PTH2R: variants seen among roughly 807,000 people sequenced by gnomAD.
PTH2R encodes PTH2 receptor.
In PTH2R, 59 loss-of-function variants were observed where a neutral mutation model predicts 60.3. The ratio of observed to expected loss-of-function variants is 0.98; its 90% CI spans 0.79 to 1.22. PTH2R has a LOEUF of 1.22. Ranked by LOEUF, PTH2R falls within the 50% of genes most tolerant of loss-of-function variation. PTH2R has a pLI of 0.00. For missense variants in PTH2R, 749 were observed against 682.6 expected, an observed-to-expected ratio of 1.10 and a Z score of -1.08; for synonymous variants, 256 against 243.8, an observed-to-expected ratio of 1.05 and a Z score of -0.47.
intron 8 of PTH2R, among the ~76,000 whole-genome samples, chr2:208,454,314 C>T (rs1415568175): frequency 6.6e-6 from 1 of 152,166 alleles, no homozygotes; most frequent in African/African-American, 2.4e-5. Flanking sequence ...TGTTAAAGCC[C>T]TAACCCCCAA....
At chr2:208,400,429 A>G (rs1701287033) in intron 1 of PTH2R, among the ~76,000 whole-genome samples, 1 of 152,158 alleles carries the variant, frequency 6.6e-6, no homozygotes. Flanking sequence ...CCTTCGGTGG[A>G]GTATTCTTAT....
At chr2:208,465,714 T>C (rs1362589674) in intron 9 of PTH2R, among the ~76,000 whole-genome samples, 1 of 152,212 alleles carries the variant, frequency 6.6e-6, no homozygotes, top group East Asian at 1.9e-4. Context: ...TCCTTTTTTT[T>C]TAAAAAAATA....
At chr2:208,489,323 A>G (rs1294427893) in intron 11 of PTH2R, among the ~76,000 whole-genome samples, 173 bp downstream of exon 11, 1 of 152,102 alleles carries the variant, frequency 6.6e-6, no homozygotes, top group Admixed American at 6.5e-5. Context: ...TGTCCTATAG[A>G]GGTCAGGTTA....
intron 4 of PTH2R, among the ~76,000 whole-genome samples, chr2:208,438,863 C>T (rs1702129108): frequency 6.6e-6 from 1 of 152,054 alleles, no homozygotes. Context: ...TAACTTTCTT[C>T]CTTAATGAGT....
At chr2:208,443,837 C>T (rs114848013) in intron 6 of PTH2R, among the ~76,000 whole-genome samples, 1,579 of 152,218 alleles carry the variant, frequency 0.01, 26 homozygotes, top group African/African-American at 0.037. Context: ...TGGGGCTCAC[C>T]ACTTTCGAAA....
chr2:208,423,543 G>A (rs186959064), intron 1 of PTH2R, among the ~76,000 whole-genome samples: 82 of 152,262 alleles, frequency 5.4e-4, no homozygotes, highest in African/African-American at 1.9e-3. Context: ...TGTTCTGTAT[G>A]TATTTGGAAA....
intron 5 of PTH2R, among the ~76,000 whole-genome samples, chr2:208,442,876 C>T (rs1329944601): frequency 6.6e-6 from 1 of 152,012 alleles, no homozygotes; most frequent in Non-Finnish European, 1.5e-5. Flanking sequence ...AACATGTGTC[C>T]AATTCCATTC....
chr2:208,377,513 C>T (rs1700819642), intron 1 of PTH2R, among the ~76,000 whole-genome samples: 1 of 151,044 alleles, frequency 6.6e-6, no homozygotes, highest in Non-Finnish European at 1.5e-5. Context: ...CCCCCACCTC[C>T]CTCCCAGACG....
At chr2:208,365,567 T>C (rs1029061890) in intron 1 of PTH2R, among the ~76,000 whole-genome samples, 6 of 152,098 alleles carry the variant, frequency 3.9e-5, no homozygotes, top group Admixed American at 6.6e-5. Context: ...GAGTGTGCTG[T>C]TGAATTTATT....
At chr2:208,464,756 G>A (rs543129557) in intron 9 of PTH2R, among the ~76,000 whole-genome samples, 4 of 152,162 alleles carry the variant, frequency 2.6e-5, no homozygotes, top group Admixed American at 2.6e-4. Flanking sequence ...GCTCATGCCT[G>A]TAATCCCAGT....
intron 9 of PTH2R, among the ~76,000 whole-genome samples, chr2:208,474,643 T>G (rs1285273404): frequency 6.6e-6 from 1 of 152,180 alleles, no homozygotes; most frequent in African/African-American, 2.4e-5. Flanking sequence ...ACTGTGGAGT[T>G]TGATGGGAGT....
At chr2:208,481,656 C>T (rs1257077439) in intron 10 of PTH2R, among the ~76,000 whole-genome samples, 2 of 152,116 alleles carry the variant, frequency 1.3e-5, no homozygotes, top group Non-Finnish European at 2.9e-5. Flanking sequence ...AAAGCTACCC[C>T]TTGTGCTTAA....
intron 2 of PTH2R, among the ~76,000 whole-genome samples, chr2:208,429,754 C>T (rs1701933236): frequency 6.6e-6 from 1 of 152,124 alleles, no homozygotes; most frequent in Non-Finnish European, 1.5e-5. Flanking sequence ...ACTCTGTACC[C>T]ATTAAATAAC....
At chr2:208,386,504 G>A (rs1201113620) in intron 1 of PTH2R, among the ~76,000 whole-genome samples, 1 of 152,138 alleles carries the variant, frequency 6.6e-6, no homozygotes, top group African/African-American at 2.4e-5. Context: ...GTATGTGTTT[G>A]TGTGTGTGCG....
intron 1 of PTH2R, among the ~76,000 whole-genome samples, chr2:208,409,680 A>C (rs1273751175): frequency 1.3e-5 from 2 of 152,170 alleles, no homozygotes; most frequent in Non-Finnish European, 2.9e-5. Flanking sequence ...ACCAGTGCTC[A>C]TCAATTGTTT....
In PTH2R at chr2:208,428,437, G is replaced by A. The variant is rs979845945; in HGVS notation, c.178+134G>A. The A allele has an allele frequency of 4.7e-6, 3 of 638,768 alleles. No homozygotes were observed. In the African/African-American group the frequency reaches 5.4e-5, roughly 12 times the overall value. 39.6% of individuals were successfully genotyped at this position (638,768 alleles called of 1,614,324 possible). On this transcript the variant is annotated intron_variant, in intron 2 of 12. Coordinates refer to ENST00000272847, the MANE Select transcript of PTH2R (RefSeq NM_005048.4). Reference sequence around the variant, plus strand: ...ACATTTCCATGTGGAGGGGTGTGCAGCAGAACAACAACACTCTTTTCATCT... The same window carrying A: ...ACATTTCCATGTGGAGGGGTGTGCAACAGAACAACAACACTCTTTTCATCT...
At position 208,426,111 on chromosome 2, in the gene PTH2R, G is replaced by T. The variant is rs575454790; in HGVS notation, c.76-2090G>T. Among the ~76,000 whole-genome samples the T allele has an allele frequency of 3.9e-5, 6 of 152,212 alleles. No individual in the cohort carries two copies. In the South Asian group the frequency reaches 1.0e-3, roughly 26 times the overall value. ...AAAATTGAATAAATGTGAATATTGGGTTAATTATGAAGATTTTCATGTCTT... is the reference window on the plus strand; with the variant it reads ...AAAATTGAATAAATGTGAATATTGGTTTAATTATGAAGATTTTCATGTCTT... On this transcript the variant is annotated intron_variant, in intron 1 of 12. Transcript: ENST00000272847.
chr2:208,414,991 C>T (rs1250458629), intron 1 of PTH2R, among the ~76,000 whole-genome samples: 1 of 152,060 alleles, frequency 6.6e-6, no homozygotes, highest in African/African-American at 2.4e-5. Context: ...GCCTGAGAAA[C>T]TATCACAACC....
At chr2:208,399,202 T>C (rs1701263982) in intron 1 of PTH2R, among the ~76,000 whole-genome samples, 1 of 152,182 alleles carries the variant, frequency 6.6e-6, no homozygotes, top group Non-Finnish European at 1.5e-5. Flanking sequence ...CCATTATCTT[T>C]CCATTCCTAG....
Sources: allele counts gnomAD v4.1 joint callset (sites outside exome capture counted in the v4.1 genomes callset), GRCh38; gene constraint gnomAD v4.1.1; transcripts MANE v1.5; gene names NCBI Gene and HGNC (gene_info 2026-07-23, HGNC 2026-07-21).